AGMO: variants seen among roughly 807,000 people sequenced by gnomAD.
AGMO encodes glyceryl-ether monooxygenase.
A neutral mutation model predicts 60.2 loss-of-function variants in AGMO; 75 were observed. The observed-to-expected ratio is 1.25, with a 90% CI of 1.03 to 1.51. The LOEUF is 1.51. AGMO is among the 40% of genes most tolerant of loss of function. The probability of loss-of-function intolerance (pLI) is 0.00; values close to 1 mark genes in which losing one functional copy is unlikely to be tolerated. For synonymous variants in AGMO, 261 were observed against 177.1 expected, an observed-to-expected ratio of 1.47 and a Z score of -3.76; for missense variants, 763 against 525.5, an observed-to-expected ratio of 1.45 and a Z score of -4.42.
intron 5 of AGMO, among the ~76,000 whole-genome samples, chr7:15,406,544 C>G (rs1165529962): frequency 1.1e-5 from 1 of 94,730 alleles, no homozygotes; most frequent in African/African-American, 4.1e-5. Flanking sequence ...ACTCAAAAGG[C>G]CCCTTTGTTT....
intron 6 of AGMO, among the ~76,000 whole-genome samples, chr7:15,393,489 G>A (rs1238100053): frequency 6.6e-6 from 1 of 152,124 alleles, no homozygotes; most frequent in South Asian, 2.1e-4. Context: ...AAAAACATTT[G>A]AATTATTTCT....
intron 3 of AGMO, among the ~76,000 whole-genome samples, chr7:15,503,273 C>T (rs1359750422): frequency 3.3e-5 from 5 of 151,888 alleles, no homozygotes; most frequent in African/African-American, 1.2e-4. Context: ...TCACTTAATG[C>T]TCACAAGCAC....
rs529611160 is a variant in AGMO, at chr7:15,387,851, T to G, written c.823-311A>C. Reference sequence around the variant, plus strand: ...ATGAGTTAAGAGGCTTTGCTTCCAATGGAATTAACTAGCACCCTGTGCACT... The same window carrying G: ...ATGAGTTAAGAGGCTTTGCTTCCAAGGGAATTAACTAGCACCCTGTGCACT... On this transcript the variant is annotated intron_variant, in intron 8 of 12. Coordinates refer to ENST00000342526, the MANE Select transcript of AGMO (RefSeq NM_001004320.2). 2.0e-5 allele frequency among the ~76,000 whole-genome samples: 3 copies of G among 151,528 alleles called. No homozygotes were observed. The South Asian group carries it at 6.3e-4, about 32-fold the overall frequency.
chr7:15,538,807 T>C (rs1289951602), intron 3 of AGMO, among the ~76,000 whole-genome samples: 1 of 152,194 alleles, frequency 6.6e-6, no homozygotes, highest in Non-Finnish European at 1.5e-5. Flanking sequence ...TAACTTTAAA[T>C]TTAAGAGTCA....
intron 12 of AGMO, among the ~76,000 whole-genome samples, chr7:15,202,623 T>G (rs1451330595): frequency 2.0e-5 from 3 of 152,090 alleles, no homozygotes; most frequent in African/African-American, 7.2e-5. Flanking sequence ...TGCATTCCTT[T>G]TAGCCTATAA....
At chr7:15,455,213 A>G (rs1285427152) in intron 3 of AGMO, among the ~76,000 whole-genome samples, 1 of 151,884 alleles carries the variant, frequency 6.6e-6, no homozygotes, top group Non-Finnish European at 1.5e-5. Flanking sequence ...GATGTTGTGC[A>G]CTGCTGAGCT....
At chr7:15,524,293 G>T (rs73679643) in intron 3 of AGMO, among the ~76,000 whole-genome samples, 3,846 of 151,512 alleles carry the variant, frequency 0.025, 94 homozygotes, top group African/African-American at 0.068. Context: ...GAATATGCTG[G>T]GTAATGGTGT....
At chr7:15,168,536 A>G in the AGMO span, among the ~76,000 whole-genome samples, 1 of 152,192 alleles carries the variant, frequency 6.6e-6, no homozygotes, top group Non-Finnish European at 1.5e-5. Flanking sequence ...CCTTGAATTC[A>G]AGAGCTTGTC....
downstream of AGMO, among the ~76,000 whole-genome samples, chr7:15,196,186 GCAC>G (rs1374103733): frequency 6.6e-6 from 1 of 151,588 alleles, no homozygotes; most frequent in African/African-American, 2.4e-5. Flanking sequence ...GGTATTACAG[GCAC>G]CACCACCACA....
intron 12 of AGMO, among the ~76,000 whole-genome samples, chr7:15,347,912 G>A (rs115272714): frequency 1.3e-3 from 191 of 152,052 alleles, no homozygotes; most frequent in African/African-American, 4.5e-3. Context: ...GGATACTGAT[G>A]GGAGACTAGC....
At chr7:15,508,216 G>T (rs192469435) in intron 3 of AGMO, among the ~76,000 whole-genome samples, 1 of 151,952 alleles carries the variant, frequency 6.6e-6, no homozygotes, top group South Asian at 2.1e-4. Flanking sequence ...ATACTTGTGA[G>T]GTTGAAATAT....
chr7:15,494,332 C>A (rs546020612), intron 3 of AGMO, among the ~76,000 whole-genome samples: 1 of 152,224 alleles, frequency 6.6e-6, no homozygotes, highest in African/African-American at 2.4e-5. Context: ...AATTTCATAC[C>A]AGATCTAGAG....
At chr7:15,274,437 T>C (rs572801063) in intron 12 of AGMO, among the ~76,000 whole-genome samples, 16 of 152,322 alleles carry the variant, frequency 1.1e-4, no homozygotes, top group African/African-American at 3.8e-4. Flanking sequence ...TTTGCGTATG[T>C]TGAACCAGCC....
chr7:15,337,312 C>T (rs567282567), intron 12 of AGMO, among the ~76,000 whole-genome samples: 5 of 152,096 alleles, frequency 3.3e-5, no homozygotes, highest in African/African-American at 1.2e-4. Context: ...TTTTTAATAA[C>T]AGAATATATT....
At chr7:15,219,152 G>C (rs1323044725) in intron 12 of AGMO, among the ~76,000 whole-genome samples, 1 of 152,046 alleles carries the variant, frequency 6.6e-6, no homozygotes, top group Non-Finnish European at 1.5e-5. Flanking sequence ...TACTTATTCA[G>C]GAAATAATTA....
At chr7:15,161,374 C>A in the AGMO span, among the ~76,000 whole-genome samples, 1 of 152,032 alleles carries the variant, frequency 6.6e-6, no homozygotes, top group Admixed American at 6.6e-5. Context: ...CAATTATCAA[C>A]TCATCCATGG....
At chr7:15,307,735 C>G (rs1486985246) in intron 12 of AGMO, among the ~76,000 whole-genome samples, 1 of 151,998 alleles carries the variant, frequency 6.6e-6, no homozygotes, top group Non-Finnish European at 1.5e-5. Flanking sequence ...ATTTGGATAT[C>G]TCACAGTAAA....
intron 12 of AGMO, among the ~76,000 whole-genome samples, chr7:15,283,526 G>A (rs1241724880): frequency 1.3e-5 from 2 of 151,854 alleles, no homozygotes; most frequent in Admixed American, 1.3e-4. Context: ...ATTCAACAAG[G>A]AGATATTATA....
intron 12 of AGMO, among the ~76,000 whole-genome samples, chr7:15,233,799 C>G (rs536019249): frequency 1.3e-5 from 2 of 152,140 alleles, no homozygotes; most frequent in African/African-American, 4.8e-5. Flanking sequence ...CACCTGTAAT[C>G]CCAGCATTTT....
Sources: gnomAD v4.1 joint callset for allele counts (sites outside exome capture counted in the v4.1 genomes callset) on GRCh38, gnomAD v4.1.1 for gene constraint, MANE v1.5 for transcripts, NCBI Gene and HGNC (gene_info 2026-07-23, HGNC 2026-07-21) for gene names.